Variants in DHX16 observed in about 807,000 individuals in gnomAD.
The protein encoded by DHX16 is pre-mRNA-splicing factor ATP-dependent RNA helicase DHX16.
In DHX16, 81 loss-of-function variants were observed where a neutral mutation model predicts 131.2. The observed-to-expected ratio is 0.62, with a 90% CI of 0.52 to 0.74. DHX16 has a LOEUF of 0.74. DHX16 is among the 30% of genes least tolerant of loss of function. The probability of loss-of-function intolerance (pLI) is 0.00; values close to 1 mark genes in which losing one functional copy is unlikely to be tolerated. For missense variants in DHX16, 980 were observed against 1,363.1 expected, an observed-to-expected ratio of 0.72 and a Z score of 4.43; for synonymous variants, 440 against 520.2, an observed-to-expected ratio of 0.85 and a Z score of 2.10.
chr6:30,660,323 G>A, intron 9 of DHX16, 81 bp from the exon 10 acceptor site: 1 of 1,166,196 alleles, frequency 8.6e-7, no homozygotes, highest in Non-Finnish European at 1.2e-6. Flanking sequence ...GGATGAGAGG[G>A]GAGTAATGGA....
chr6:30,664,736 C>A, intron 7 of DHX16, 65 bp downstream of exon 7: 1 of 1,415,022 alleles, frequency 7.1e-7, no homozygotes, highest in Non-Finnish European at 9.7e-7. Flanking sequence ...GTAAAAGGAG[C>A]TCTGACAGGA....
intron 4 of DHX16, among the ~76,000 whole-genome samples, chr6:30,667,716 T>G (rs561286433): frequency 6.6e-6 from 1 of 152,224 alleles, no homozygotes; most frequent in African/African-American, 2.4e-5. Flanking sequence ...AATATATAGA[T>G]ACACAACTGG....
At chr6:30,661,690 A>C (rs1303628710) in intron 9 of DHX16, 1 of 705,894 alleles carries the variant, frequency 1.4e-6, no homozygotes, top group African/African-American at 1.8e-5. Context: ...GGTGGCAGCC[A>C]AGTCCCAGGA....
Position 30,653,286 on chromosome 6 carries a change from T to G in DHX16, c.3082A>C (p.Lys1028Gln). Reference sequence around the variant, plus strand: ...GTTTTGCCTATTTTTTTGGGCATTTTCTTAGCATGGGGATCTTCTAGCTCC... The same window carrying G: ...GTTTTGCCTATTTTTTTGGGCATTTGCTTAGCATGGGGATCTTCTAGCTCC... ...AKELEDPHAK[K>Q]MPKKIGKTRE... is the part of the protein sequence containing the mutation. Residue 1028 changes from lysine (K) to glutamine (Q), a missense_variant, in exon 20 of 20, where the codon AAA (lysine) becomes CAA (glutamine). Around this residue, in one of 3 missense-constraint regions of DHX16, gnomAD observed 214 missense variants for 271.2 expected, o/e 0.79. Coordinates refer to ENST00000376442, the MANE Select transcript of DHX16 (RefSeq NM_003587.5). 3 of 1,613,042 alleles carry G rather than the reference T, an allele frequency of 1.9e-6. No homozygotes were observed. The highest frequency in any genetic ancestry group is 2.5e-6 in the Non-Finnish European group (3 of 1,180,038).
rs1203970866 is a variant in DHX16, at chr6:30,653,319, TATA to T, written c.3046_3048del (p.Tyr1016del). The T allele has an allele frequency of 3.1e-6, 5 of 1,612,998 alleles. No homozygotes were observed. Among genetic ancestry groups the T allele is most frequent in the Non-Finnish European group, 4.2e-6 (5 of 1,179,998 alleles). ...TGGGGATCTTCTAGCTCCTTGGCCT[TATA>T]ATAATGGGGAGCCACCTCCAGAAGC... On this transcript the variant is annotated inframe_deletion, in exon 20 of 20. Coordinates refer to ENST00000376442, the MANE Select transcript of DHX16 (RefSeq NM_003587.5).
intron 12 of DHX16, 122 bp from the exon 13 acceptor site, chr6:30,657,214 G>A: frequency 9.8e-7 from 1 of 1,022,054 alleles, no homozygotes; most frequent in Non-Finnish European, 1.4e-6. Flanking sequence ...GAGGGAATTA[G>A]TAGTATCCAA....
intron 1 of DHX16, 147 bp from the exon 2 acceptor site, chr6:30,671,421 C>G: frequency 1.3e-6 from 1 of 756,738 alleles, no homozygotes; most frequent in Non-Finnish European, 2.2e-6. Flanking sequence ...GATCTCGGCT[C>G]ACTTCAACCT....
Position 30,655,557 on chromosome 6 carries a change from G to T in DHX16, c.2539C>A (p.Leu847Ile), listed in dbSNP as rs746813060. ...SEEILTVAAM[L>I]SVNNSIFYRP... is the part of the protein sequence containing the mutation. Reference sequence around the variant, plus strand: ...TAGAAGATGGAGTTGTTGACAGAGAGCATGGCAGCCACTGTCAGGATCTCC... The same window carrying T: ...TAGAAGATGGAGTTGTTGACAGAGATCATGGCAGCCACTGTCAGGATCTCC... The change falls in exon 17 of 20, where the codon CTC becomes ATC. Residue 847 changes from leucine to isoleucine, a missense_variant. By Grantham distance (5) the Leu-to-Ile change is conservative. This residue lies in a region of DHX16 where 214 missense variants were observed against 271.2 expected (regional missense o/e 0.79). Transcript: ENST00000376442. The T allele has an allele frequency of 7.4e-6, 12 of 1,613,078 alleles. No homozygotes were observed. Among genetic ancestry groups the T allele is most frequent in the Non-Finnish European group, 1.0e-5 (12 of 1,180,030 alleles).
At chr6:30,671,381 C>G (rs980102272) in intron 1 of DHX16, 107 bp from the exon 2 acceptor site, 3 of 1,060,052 alleles carry the variant, frequency 2.8e-6, no homozygotes, top group East Asian at 2.4e-5. Flanking sequence ...CCTGCCCCCG[C>G]GGCCCGGCCC....
chr6:30,672,074 G>C (rs1020263460), intron 1 of DHX16, among the ~76,000 whole-genome samples: 1 of 151,784 alleles, frequency 6.6e-6, no homozygotes, highest in Admixed American at 6.6e-5. Flanking sequence ...ACTCTGAGGG[G>C]GCTGAGAGAG....
Position 30,665,064 on chromosome 6 carries a change from C to G in DHX16, c.1125+7G>C, listed in dbSNP as rs1464135140. 6.2e-7 allele frequency: 1 copy of G among 1,613,906 alleles called. No individual in the cohort carries two copies. The stretch of plus-strand genomic sequence containing the variant: ...TTCCTCAGAAAGTCTCCCAGCTCCC[C>G]TCTTACCTCATCACCCTGGAGCTGA... On this transcript the variant is annotated splice_region_variant and intron_variant, in intron 6 of 19. Transcript: ENST00000376442. This position sits in a 1 kb window ranked among gnomAD's most constrained non-coding sequence, Gnocchi z 4.8.
At chr6:30,667,142 C>A (rs558267091) in intron 4 of DHX16, among the ~76,000 whole-genome samples, 43 of 152,184 alleles carry the variant, frequency 2.8e-4, no homozygotes, top group Non-Finnish European at 4.7e-4. Context: ...ACAGCAAACG[C>A]CTTACTCTAA....
In DHX16 at chr6:30,670,628, T is replaced by G. The variant is rs1769445742; in HGVS notation, c.609+162A>C. ...TGATTGCAGGTACAGCAGACAGTTG[T>G]CTTAGCCACAGGATGCACAGGGCTT... On this transcript the variant is annotated intron_variant, in intron 3 of 19. Transcript: ENST00000376442. This position sits in a 1 kb window ranked among gnomAD's most constrained non-coding sequence, Gnocchi z 4.4. Among the ~76,000 whole-genome samples the G allele has an allele frequency of 6.6e-6, 1 of 152,166 alleles. No individual in the cohort carries two copies. The highest frequency in any genetic ancestry group is 1.5e-5 in the Non-Finnish European group (1 of 68,026).
Position 30,656,492 on chromosome 6 carries a change from G to A in DHX16, c.2329C>T (p.His777Tyr). 1 of 1,614,194 alleles carries A rather than the reference G, an allele frequency of 6.2e-7. No homozygotes were observed. The highest frequency in any genetic ancestry group is 8.5e-7 in the Non-Finnish European group (1 of 1,180,040). ...GGTGGAGGGTCCAGGAAATCAAAGT[G>A]CATTAGGTCATGGATCCCTAGAAAG... ...LKSLGIHDLM[H>Y]FDFLDPPPYE... Residue 777 changes from histidine to tyrosine, a missense_variant, in exon 15 of 20, where the codon CAC becomes TAC. Around this residue, in one of 3 missense-constraint regions of DHX16, gnomAD observed 309 missense variants for 537.1 expected, o/e 0.58. Coordinates refer to ENST00000376442, the MANE Select transcript of DHX16 (RefSeq NM_003587.5). This position sits in a 1 kb window ranked among gnomAD's most constrained non-coding sequence, Gnocchi z 5.1.
chr6:30,663,981 C>T (rs1363216880), intron 7 of DHX16, among the ~76,000 whole-genome samples: 1 of 150,148 alleles, frequency 6.7e-6, no homozygotes, highest in Non-Finnish European at 1.5e-5. Context: ...GTCAAGATCG[C>T]GCCACTGCAC....
In DHX16 at chr6:30,653,199, G is replaced by A. The variant is rs1127955; in HGVS notation, c.*43C>T. On this transcript the variant is annotated 3_prime_UTR_variant, in exon 20 of 20. Coordinates refer to ENST00000376442, the MANE Select transcript of DHX16 (RefSeq NM_003587.5). Reference sequence around the variant, plus strand: ...TTTAATAGGTATTAAATAATGTATAGAAGGAAAAGGAGCTGGTGTCAGGTT... The same window carrying A: ...TTTAATAGGTATTAAATAATGTATAAAAGGAAAAGGAGCTGGTGTCAGGTT... 1 of 1,589,132 alleles carries A rather than the reference G, an allele frequency of 6.3e-7. No homozygotes were observed. The highest frequency in any genetic ancestry group is 8.5e-7 in the Non-Finnish European group (1 of 1,172,212).
intron 11 of DHX16, 35 bp from the exon 12 acceptor site, chr6:30,659,659 AG>A: frequency 6.2e-7 from 1 of 1,613,634 alleles, no homozygotes; most frequent in Non-Finnish European, 8.5e-7. Flanking sequence ...CAGGGGTCCC[AG>A]AGTCACAGAA....
At chr6:30,659,185 C>T (rs1311021383) in intron 12 of DHX16, among the ~76,000 whole-genome samples, 1 of 152,216 alleles carries the variant, frequency 6.6e-6, no homozygotes, top group Non-Finnish European at 1.5e-5. Context: ...CCGCACCTGA[C>T]CTCAGACATT....
chr6:30,666,232 G>A (rs924851702), intron 4 of DHX16, among the ~76,000 whole-genome samples: 1 of 152,162 alleles, frequency 6.6e-6, no homozygotes, highest in African/African-American at 2.4e-5. Context: ...GTTTGAGGAA[G>A]GGAGAAAAAC....
Sources: gnomAD v4.1 joint callset for allele counts (sites outside exome capture counted in the v4.1 genomes callset) on GRCh38, gnomAD v4.1.1 for gene constraint, gnomAD v4.1.1 regional missense constraint, Gnocchi (gnomAD v3.1) non-coding constraint, MANE v1.5 for transcripts, NCBI Gene and HGNC (gene_info 2026-07-23, HGNC 2026-07-21) for gene names.